Variants in RALGPS2 observed in about 807,000 individuals in gnomAD.
RALGPS2 encodes ras-specific guanine nucleotide-releasing factor RalGPS2.
In RALGPS2, 43 loss-of-function variants were observed where a neutral mutation model predicts 86.8. The observed-to-expected ratio is 0.50, with a 90% CI of 0.39 to 0.64. RALGPS2 has a LOEUF of 0.64. RALGPS2 is among the 30% of genes least tolerant of loss of function. The probability of loss-of-function intolerance (pLI) is 0.00; values close to 1 mark genes in which losing one functional copy is unlikely to be tolerated. For synonymous variants in RALGPS2, 243 were observed against 231.3 expected (o/e 1.05, Z -0.46); for missense variants, 536 against 694.6 (o/e 0.77, Z 2.57).
chr1:178,747,776 C>T lies in RALGPS2; in HGVS notation c.-84+22357C>T, dbSNP rs149490045. The T allele has an allele frequency of 1.6e-4, 132 of 822,386 alleles. No homozygotes were observed. In the East Asian group the frequency reaches 2.8e-3, roughly 18 times the overall value. The allele number at this position is 822,386 out of a possible 1,614,324, so 50.9% of individuals were successfully genotyped here. A position where few individuals can be genotyped will look rare whatever the true frequency, so the allele number is the denominator to read the frequency against. ...GCATGGCAGCAGGAGCGAGCTGGTG[C>T]GAGCAGAGCCTGTGCCAGCGGAGAC... is the stretch of plus-strand genomic sequence containing the variant. On this transcript the variant is annotated intron_variant, in intron 1 of 19. Coordinates refer to ENST00000367635, the MANE Select transcript of RALGPS2 (RefSeq NM_152663.5).
chr1:178,764,830 T>C (rs1652415623), intron 1 of RALGPS2, among the ~76,000 whole-genome samples: 1 of 152,196 alleles, frequency 6.6e-6, no homozygotes, highest in African/African-American at 2.4e-5. Flanking sequence ...TCATGTTGAA[T>C]TGTAATCCCC....
chr1:178,787,742 C>T (rs963307073), intron 4 of RALGPS2, among the ~76,000 whole-genome samples: 5 of 152,112 alleles, frequency 3.3e-5, no homozygotes, highest in African/African-American at 9.6e-5. Flanking sequence ...TTTTTTTAAC[C>T]TCCTAAGTAC....
At chr1:178,862,500 T>C (rs529317689) in intron 8 of RALGPS2, among the ~76,000 whole-genome samples, 2 of 152,306 alleles carry the variant, frequency 1.3e-5, no homozygotes, top group South Asian at 4.1e-4. Context: ...AAATGTCTTA[T>C]GTATGTTACA....
intron 7 of RALGPS2, among the ~76,000 whole-genome samples, chr1:178,827,822 C>T (rs1572373649): frequency 6.6e-6 from 1 of 152,134 alleles, no homozygotes; most frequent in African/African-American, 2.4e-5. Flanking sequence ...CATTTACAGT[C>T]AATTGATCCT....
intron 6 of RALGPS2, among the ~76,000 whole-genome samples, chr1:178,815,363 G>T (rs1173762468): frequency 6.6e-6 from 1 of 152,096 alleles, no homozygotes; most frequent in African/African-American, 2.4e-5. Context: ...GGGATTACAG[G>T]TGTGAGCCAC....
chr1:178,776,744 T>G lies in RALGPS2; in HGVS notation c.-21T>G. On this transcript the variant is annotated 5_prime_UTR_variant, in exon 2 of 20. Transcript: ENST00000367635. ...GTCCTCTGTTGCTGTTAACATAAGGTCAGGGACTGATGAGGAAAGCATGGA... is the reference window on the plus strand; with the variant it reads ...GTCCTCTGTTGCTGTTAACATAAGGGCAGGGACTGATGAGGAAAGCATGGA... 1 of 1,605,822 alleles carries G rather than the reference T, an allele frequency of 6.2e-7. No homozygotes were observed. The highest frequency in any genetic ancestry group is 8.5e-7 in the Non-Finnish European group (1 of 1,173,808).
intron 1 of RALGPS2, among the ~76,000 whole-genome samples, chr1:178,731,048 C>T (rs925634901): frequency 1.3e-5 from 2 of 152,046 alleles, no homozygotes; most frequent in African/African-American, 4.8e-5. Context: ...GATCCATATC[C>T]TCCGCTTTCT....
intron 19 of RALGPS2, among the ~76,000 whole-genome samples, chr1:178,912,574 C>G (rs1250996294): frequency 6.6e-6 from 1 of 152,144 alleles, no homozygotes; most frequent in Non-Finnish European, 1.5e-5. Context: ...TGATGAGGTT[C>G]CCTTTACTGC....
At chr1:178,765,553 A>C (rs572673766) in intron 1 of RALGPS2, among the ~76,000 whole-genome samples, 89 of 152,278 alleles carry the variant, frequency 5.8e-4, no homozygotes, top group African/African-American at 1.9e-3. Flanking sequence ...TTGTTAATGA[A>C]GTTTCGGGCA....
chr1:178,790,522 G>A (rs1191629286), intron 4 of RALGPS2, among the ~76,000 whole-genome samples: 2 of 152,082 alleles, frequency 1.3e-5, no homozygotes, highest in Non-Finnish European at 2.9e-5. Flanking sequence ...TTTTCTTTAT[G>A]TATAGGTATC....
intron 8 of RALGPS2, 124 bp downstream of exon 8, chr1:178,833,674 T>C: frequency 2.2e-6 from 3 of 1,383,076 alleles, no homozygotes; most frequent in Non-Finnish European, 2.8e-6. Context: ...TCAAGATTGG[T>C]AAGCTGAAAA....
intron 19 of RALGPS2, among the ~76,000 whole-genome samples, chr1:178,908,449 A>T (rs770421257): frequency 1.3e-4 from 20 of 152,208 alleles, no homozygotes; most frequent in Non-Finnish European, 2.6e-4. Flanking sequence ...TATGCTCAGT[A>T]ATGGGATTGC....
chr1:178,836,578 T>A (rs1413942), intron 8 of RALGPS2, among the ~76,000 whole-genome samples: 71,630 of 151,990 alleles, frequency 0.47, 18,125 homozygotes, highest in African/African-American at 0.65. Context: ...TGAAACATTT[T>A]ATAGATGTTT....
intron 8 of RALGPS2, among the ~76,000 whole-genome samples, chr1:178,851,756 G>A (rs1657189456): frequency 6.6e-6 from 1 of 152,134 alleles, no homozygotes; most frequent in South Asian, 2.1e-4. Context: ...TAAGACATAT[G>A]TTATGGTCTA....
chr1:178,888,666 A>G (rs772093645), intron 13 of RALGPS2, among the ~76,000 whole-genome samples: 4 of 152,200 alleles, frequency 2.6e-5, no homozygotes, highest in African/African-American at 4.8e-5. Flanking sequence ...TCTGAACCAT[A>G]CAATACAGAA....
intron 16 of RALGPS2, 38 bp downstream of exon 16, chr1:178,894,062 A>G (rs567679327): frequency 8.3e-7 from 1 of 1,205,472 alleles, no homozygotes; most frequent in South Asian, 1.3e-5. Flanking sequence ...TACACCTCTA[A>G]AAATATGCAA....
Position 178,907,116 on chromosome 1 carries a change from T to C in RALGPS2, c.1722+249T>C, listed in dbSNP as rs571901005. On this transcript the variant is annotated intron_variant, in intron 19 of 19. Coordinates refer to ENST00000367635, the MANE Select transcript of RALGPS2 (RefSeq NM_152663.5). ...AAGAAAACAATAGACGTATGTGATA[T>C]AGAGCAATGGGAGTACAGACAACTT... is the stretch of plus-strand genomic sequence containing the variant. Among the ~76,000 whole-genome samples, 16 of 152,288 alleles carry C rather than the reference T, an allele frequency of 1.1e-4. No individual in the cohort carries two copies. The East Asian group carries it at 2.5e-3, about 24-fold the overall frequency.
At chr1:178,889,743 G>C (rs371811362) in intron 14 of RALGPS2, 47 bp downstream of exon 14, 1 of 1,360,690 alleles carries the variant, frequency 7.3e-7, no homozygotes, top group Non-Finnish European at 1.0e-6. Context: ...ATTTTGTCTG[G>C]GTTAAATAAT....
intron 7 of RALGPS2, among the ~76,000 whole-genome samples, chr1:178,822,731 T>C (rs1436231937): frequency 6.6e-6 from 1 of 152,170 alleles, no homozygotes; most frequent in South Asian, 2.1e-4. Context: ...GGCCTTATTG[T>C]CTTTTCTTAA....
Sources: allele counts gnomAD v4.1 joint callset (sites outside exome capture counted in the v4.1 genomes callset), GRCh38; gene constraint gnomAD v4.1.1; transcripts MANE v1.5; gene names NCBI Gene and HGNC (gene_info 2026-07-23, HGNC 2026-07-21).